DPY30: variants seen among roughly 807,000 people sequenced by gnomAD.
DPY30 encodes protein dpy-30 homolog.
A neutral mutation model predicts 16.2 loss-of-function variants in DPY30; 6 were observed. The ratio of observed to expected loss-of-function variants is 0.37; its 90% CI spans 0.20 to 0.73. DPY30 has a LOEUF of 0.73. Ranked by LOEUF, DPY30 falls within the 30% of genes least tolerant of loss-of-function variation. The pLI is 0.51. For synonymous variants in DPY30, 39 were observed against 38.8 expected, an observed-to-expected ratio of 1.00 and a Z score of -0.02; for missense variants, 73 against 113.1, an observed-to-expected ratio of 0.65 and a Z score of 1.61.
At chr2:32,030,586 C>T (rs1180328060) in intron 3 of DPY30, among the ~76,000 whole-genome samples, 3 of 149,974 alleles carry the variant, frequency 2.0e-5, no homozygotes, top group Non-Finnish European at 4.4e-5. Flanking sequence ...GCCGAGATCG[C>T]GCCACCACAC....
rs1025421854 is a variant in DPY30 at position 32,035,671 on chromosome 2, C to T, written c.84+3608G>A. Among the ~76,000 whole-genome samples, 10 of 151,432 alleles carry T rather than the reference C, an allele frequency of 6.6e-5. No individual in the cohort carries two copies. In the South Asian group the frequency reaches 8.4e-4, roughly 13 times the overall value. ...TAAGTAGGCCAGGTGCAGTGGCTCA[C>T]ATCTGTAATCCCAGCACTTTGGGAG... On this transcript the variant is annotated intron_variant, in intron 3 of 4. Transcript: ENST00000342166.
At chr2:32,026,683 C>A (rs940835585) in intron 4 of DPY30, among the ~76,000 whole-genome samples, 1 of 150,430 alleles carries the variant, frequency 6.6e-6, no homozygotes, top group Non-Finnish European at 1.5e-5. Context: ...TCCAGCTACT[C>A]CAGAGGCTGA....
At chr2:32,039,246 A>G in intron 3 of DPY30, 33 bp downstream of exon 3, 2 of 1,614,118 alleles carry the variant, frequency 1.2e-6, no homozygotes, top group East Asian at 4.5e-5. Context: ...GCAAGAGACA[A>G]CACAGATGAG....
chr2:32,034,264 G>C (rs1234027101), intron 3 of DPY30, among the ~76,000 whole-genome samples: 1 of 152,128 alleles, frequency 6.6e-6, no homozygotes, highest in Non-Finnish European at 1.5e-5. Context: ...CCTGAGGGTG[G>C]GTAATTTATA....
intron 5 of DPY30, among the ~76,000 whole-genome samples, chr2:32,018,582 C>T (rs753932253): frequency 2.6e-5 from 4 of 152,040 alleles, no homozygotes; most frequent in Non-Finnish European, 2.9e-5. Context: ...AAAAAATTAG[C>T]CGGGCATGGT....
intron 4 of DPY30, among the ~76,000 whole-genome samples, chr2:32,027,854 TC>T (rs1241250564): frequency 1.3e-5 from 2 of 152,006 alleles, no homozygotes; most frequent in South Asian, 2.1e-4. Flanking sequence ...GGTCTCGAAC[TC>T]CTGACCTCAT....
rs559693 is a variant in DPY30 at position 32,026,720 on chromosome 2, G to A, written c.228-2464C>T. ...GCAGAATTTCTTGAACCAGGGAGGCGGAGGTTGCAGTGAGCTGACATCGTG... is the reference window on the plus strand; with the variant it reads ...GCAGAATTTCTTGAACCAGGGAGGCAGAGGTTGCAGTGAGCTGACATCGTG... On this transcript the variant is annotated intron_variant, in intron 4 of 4. Transcript: ENST00000342166. Among the ~76,000 whole-genome samples the A allele has an allele frequency of 9.3e-3, 1,414 of 151,410 alleles. 21 individuals carry two copies. Among genetic ancestry groups the A allele is most frequent in the Non-Finnish European group, 0.015 (1,004 of 67,850 alleles).
At chr2:32,029,759 G>A (rs912539113) in intron 3 of DPY30, 23 bp from the exon 4 acceptor site, 2 of 1,611,082 alleles carry the variant, frequency 1.2e-6, no homozygotes, top group African/African-American at 1.3e-5. Context: ...AAAAAACAGT[G>A]CATGAACATT....
At chr2:32,037,674 C>T (rs1156295756) in intron 3 of DPY30, among the ~76,000 whole-genome samples, 1 of 151,932 alleles carries the variant, frequency 6.6e-6, no homozygotes, top group African/African-American at 2.4e-5. Flanking sequence ...TCTCCTGCCT[C>T]AGCCTCCTGA....
intron 3 of DPY30, among the ~76,000 whole-genome samples, chr2:32,035,088 G>A (rs1024021595): frequency 1.3e-5 from 2 of 150,746 alleles, no homozygotes; most frequent in Non-Finnish European, 2.9e-5. Context: ...CAGCCTGGGG[G>A]ACAGAGCGAG....
chr2:32,036,579 G>A (rs1480396617), intron 3 of DPY30, among the ~76,000 whole-genome samples: 3 of 151,476 alleles, frequency 2.0e-5, no homozygotes, highest in Admixed American at 1.3e-4. Context: ...GCTGAGGCAG[G>A]AGAATGGCAT....
chr2:32,034,481 T>G (rs72862228), intron 3 of DPY30, among the ~76,000 whole-genome samples: 1,980 of 151,904 alleles, frequency 0.013, 31 homozygotes, highest in Middle Eastern at 0.058. Context: ...ACTAATAGAG[T>G]AAGAACTGAC....
At chr2:32,017,339 G>T (rs1270798928) in intron 5 of DPY30, among the ~76,000 whole-genome samples, 1 of 152,048 alleles carries the variant, frequency 6.6e-6, no homozygotes, top group East Asian at 1.9e-4. Context: ...ACTCTCAGCT[G>T]GGGGTGGTGG....
chr2:32,031,189 A>G (rs1313269934), intron 3 of DPY30, among the ~76,000 whole-genome samples: 1 of 151,196 alleles, frequency 6.6e-6, no homozygotes, highest in Non-Finnish European at 1.5e-5. Flanking sequence ...TTCGGAGGCC[A>G]AGGCACGCCG....
intron 3 of DPY30, among the ~76,000 whole-genome samples, chr2:32,038,592 C>T (rs909550578): frequency 2.0e-5 from 3 of 151,696 alleles, no homozygotes; most frequent in Non-Finnish European, 2.9e-5. Context: ...ATGTTGACTC[C>T]ACCAGCTCAC....
intron 3 of DPY30, among the ~76,000 whole-genome samples, chr2:32,035,182 C>T (rs2148668570): frequency 6.6e-6 from 1 of 151,886 alleles, no homozygotes; most frequent in East Asian, 1.9e-4. Flanking sequence ...ACTCAGGAGG[C>T]TGAGGTGGGA....
chr2:32,028,334 T>C (rs1468692786), intron 4 of DPY30, among the ~76,000 whole-genome samples: 2 of 152,136 alleles, frequency 1.3e-5, no homozygotes, highest in Non-Finnish European at 2.9e-5. Flanking sequence ...AGTTTGCTAT[T>C]ATAATGTTTA....
downstream of DPY30, among the ~76,000 whole-genome samples, chr2:32,019,639 T>C (rs1294562205): frequency 1.3e-5 from 2 of 150,194 alleles, no homozygotes; most frequent in Non-Finnish European, 3.0e-5. Context: ...CTGGCCAACA[T>C]GGCAAAACCC....
rs367840932 is a variant in DPY30 at position 32,018,629 on chromosome 2, A to G, written n.377+4793T>C. 8.2e-4 allele frequency among the ~76,000 whole-genome samples: 125 copies of G among 152,214 alleles called. 1 individual carries two copies. The highest frequency in any genetic ancestry group is 2.7e-3 in the African/African-American group (113 of 41,540). On this transcript the variant is annotated intron_variant and non_coding_transcript_variant, in intron 5 of 5. Coordinates refer to the DPY30 transcript ENST00000414013. ...GTAGTCCCAGCTATTCAGGAGGCTG[A>G]GGCAGGAGAATCACTTGAACCCGGG... is the stretch of plus-strand genomic sequence containing the variant.
Sources: gnomAD v4.1 joint callset for allele counts (sites outside exome capture counted in the v4.1 genomes callset) on GRCh38, gnomAD v4.1.1 for gene constraint, MANE v1.5 for transcripts, NCBI Gene and HGNC (gene_info 2026-07-23, HGNC 2026-07-21) for gene names.